Variants in PLA2G4A observed in about 807,000 individuals in gnomAD.
PLA2G4A encodes the protein cytosolic phospholipase A2.
A neutral mutation model predicts 81.9 loss-of-function variants in PLA2G4A; 40 were observed. The ratio of observed to expected loss-of-function variants is 0.49; its 90% CI spans 0.38 to 0.64. The LOEUF is 0.64. PLA2G4A is among the 30% of genes least tolerant of loss of function. The pLI is 0.00. For missense variants in PLA2G4A, 715 were observed against 905.1 expected (o/e 0.79, Z 2.69); for synonymous variants, 302 against 296.9 (o/e 1.02, Z -0.18).
At chr1:186,883,988 T>A (rs565545392) in intron 3 of PLA2G4A, among the ~76,000 whole-genome samples, 2 of 152,144 alleles carry the variant, frequency 1.3e-5, no homozygotes, top group South Asian at 2.1e-4. Context: ...TTCATTTTTT[T>A]AAGGATGCCC....
chr1:186,841,355 G>C (rs1651972385), intron 1 of PLA2G4A, among the ~76,000 whole-genome samples: 2 of 152,128 alleles, frequency 1.3e-5, no homozygotes, highest in African/African-American at 4.8e-5. Flanking sequence ...GGTAACTTAA[G>C]ATTTTAGCCA....
At chr1:186,931,576 AC>A (rs1655747307) in intron 7 of PLA2G4A, among the ~76,000 whole-genome samples, 1 of 150,348 alleles carries the variant, frequency 6.7e-6, no homozygotes, top group South Asian at 2.1e-4. Context: ...TATATACTCA[AC>A]CCCCTTTCAA....
chr1:186,920,351 G>C (rs564637825), intron 7 of PLA2G4A, among the ~76,000 whole-genome samples: 2 of 152,176 alleles, frequency 1.3e-5, no homozygotes, highest in African/African-American at 4.8e-5. Flanking sequence ...GAGCAGGTCC[G>C]TGGTAGGCAG....
intron 10 of PLA2G4A, among the ~76,000 whole-genome samples, chr1:186,940,806 T>G (rs904444186): frequency 2.0e-5 from 3 of 152,208 alleles, no homozygotes; most frequent in Non-Finnish European, 2.9e-5. Flanking sequence ...GCTGAACTCA[T>G]GGGTATATAG....
intron 12 of PLA2G4A, 150 bp from the exon 13 acceptor site, chr1:186,950,507 A>T: frequency 2.0e-6 from 1 of 494,398 alleles, no homozygotes; most frequent in Non-Finnish European, 3.7e-6. Flanking sequence ...TAAATCTAAT[A>T]AATCTAGAAT....
chr1:186,878,504 A>G (rs1653603500), intron 3 of PLA2G4A, among the ~76,000 whole-genome samples: 1 of 151,540 alleles, frequency 6.6e-6, no homozygotes, highest in Non-Finnish European at 1.5e-5. Flanking sequence ...TTGTTTCCCA[A>G]TGGTCTTTTC....
intron 17 of PLA2G4A, among the ~76,000 whole-genome samples, chr1:186,985,733 T>C (rs1005794335): frequency 6.6e-5 from 10 of 152,038 alleles, no homozygotes; most frequent in Non-Finnish European, 1.3e-4. Flanking sequence ...AAGTGAAAGA[T>C]GACATGGGAT....
chr1:186,939,489 C>T, intron 9 of PLA2G4A, among the ~76,000 whole-genome samples: 1 of 40,632 alleles, frequency 2.5e-5, no homozygotes. Context: ...TTCCTTTTCT[C>T]TGGAAAAAAA....
At chr1:186,932,923 G>T (rs2102204262) in intron 8 of PLA2G4A, 24 bp downstream of exon 8, 1 of 1,555,026 alleles carries the variant, frequency 6.4e-7, no homozygotes, top group South Asian at 1.1e-5. Flanking sequence ...TTTAATTTTA[G>T]TTTTATAACT....
At chr1:186,934,221 G>A (rs773532817) in intron 8 of PLA2G4A, among the ~76,000 whole-genome samples, 154 of 151,862 alleles carry the variant, frequency 1.0e-3, no homozygotes, top group Non-Finnish European at 2.1e-3. Flanking sequence ...ATTACATCCT[G>A]TTGTCCATCA....
In PLA2G4A at chr1:186,977,583, T is replaced by A; in HGVS notation, c.1765-10T>A. 3 of 1,597,190 alleles carry A rather than the reference T, an allele frequency of 1.9e-6. No individual in the cohort carries two copies. Among genetic ancestry groups the A allele is most frequent in the Non-Finnish European group, 2.6e-6 (3 of 1,164,586 alleles). The stretch of plus-strand genomic sequence containing the variant: ...AAATTTCCAAATTCATCTTTCCATC[T>A]TTCCCATAGGAACTTCTACTTGCAG... On this transcript the variant is annotated splice_polypyrimidine_tract_variant and intron_variant, in intron 15 of 17. Coordinates refer to ENST00000367466, the MANE Select transcript of PLA2G4A (RefSeq NM_024420.3).
At chr1:186,877,155 A>T (rs1653530545) in intron 3 of PLA2G4A, among the ~76,000 whole-genome samples, 1 of 152,024 alleles carries the variant, frequency 6.6e-6, no homozygotes, top group Non-Finnish European at 1.5e-5. Flanking sequence ...CTTGAGTTTC[A>T]CAGTGATCAG....
Position 186,890,636 on chromosome 1 carries a change from AG to A in PLA2G4A, c.116-2373del, listed in dbSNP as rs1654101318. ...TTCGGGAGTCTGAGGCGGGCAGATC[AG>A]GAGGTCAGGAGATCGAGACCATCCT... On this transcript the variant is annotated intron_variant, in intron 3 of 17. Transcript: ENST00000367466. Among the ~76,000 whole-genome samples, 3 of 152,084 alleles carry A rather than the reference AG, an allele frequency of 2.0e-5. No homozygotes were observed. In the South Asian group the frequency reaches 6.2e-4, roughly 32 times the overall value.
At chr1:186,914,292 G>A (rs1050883575) in intron 7 of PLA2G4A, among the ~76,000 whole-genome samples, 2 of 151,852 alleles carry the variant, frequency 1.3e-5, no homozygotes, top group African/African-American at 4.8e-5. Flanking sequence ...CTAGAGATGG[G>A]GATCTTGCTA....
intron 5 of PLA2G4A, among the ~76,000 whole-genome samples, chr1:186,901,195 T>C (rs1654526057): frequency 1.3e-5 from 2 of 152,228 alleles, no homozygotes; most frequent in African/African-American, 4.8e-5. Context: ...ATGTTAAAAC[T>C]GTTAGATATT....
intron 2 of PLA2G4A, among the ~76,000 whole-genome samples, chr1:186,863,521 T>G (rs1648311394): frequency 6.6e-6 from 1 of 152,160 alleles, no homozygotes; most frequent in Non-Finnish European, 1.5e-5. Context: ...TCTTCTATTT[T>G]GAAATATGCA....
At chr1:186,978,878 A>G (rs995424985) in intron 16 of PLA2G4A, among the ~76,000 whole-genome samples, 2 of 152,352 alleles carry the variant, frequency 1.3e-5, no homozygotes, top group Admixed American at 6.5e-5. Flanking sequence ...GCCGGCTACC[A>G]CAATGGGAAC....
chr1:186,929,774 G>A lies in PLA2G4A; in HGVS notation c.559-2989G>A, dbSNP rs550464165. Among the ~76,000 whole-genome samples the A allele has an allele frequency of 5.5e-4, 84 of 152,258 alleles. 1 individual carries two copies. The South Asian group carries it at 0.017, about 32-fold the overall frequency. On this transcript the variant is annotated intron_variant, in intron 7 of 17. Transcript: ENST00000367466. ...AAATTGCTTTATTTTTAAAAATGGG[G>A]TTATAGGCCCAGTGTGGTAGCCCAT...
At chr1:186,942,810 C>T (rs1656198868) in intron 10 of PLA2G4A, among the ~76,000 whole-genome samples, 3 of 152,144 alleles carry the variant, frequency 2.0e-5, no homozygotes, top group African/African-American at 7.2e-5. Context: ...TTGACATCTG[C>T]TTCACTGCAG....
Sources: gnomAD v4.1 joint callset for allele counts (sites outside exome capture counted in the v4.1 genomes callset) on GRCh38, gnomAD v4.1.1 for gene constraint, MANE v1.5 for transcripts, NCBI Gene and HGNC (gene_info 2026-07-23, HGNC 2026-07-21) for gene names.